The following CDC42SE2 variants were observed in gnomAD, a reference collection of about 807,000 sequenced individuals.
CDC42SE2 encodes the protein CDC42 small effector 2.
In CDC42SE2, 3 loss-of-function variants were observed where a neutral mutation model predicts 11.5. That is an observed-to-expected ratio of 0.26 (90% CI 0.12 to 0.67). The LOEUF (loss-of-function observed/expected upper bound fraction) is 0.67. Among genes scored for constraint, CDC42SE2 ranks in the 30% least tolerant of loss-of-function variants. The pLI is 0.80. For synonymous variants in CDC42SE2, 33 were observed against 34.8 expected (o/e 0.95, Z 0.18); for missense variants, 82 against 106.8 (o/e 0.77, Z 1.02).
At chr5:131,297,728 A>G (rs963704428) in intron 1 of CDC42SE2, among the ~76,000 whole-genome samples, 9 of 151,944 alleles carry the variant, frequency 5.9e-5, no homozygotes, top group Non-Finnish European at 1.0e-4. Flanking sequence ...TCAAAAATAA[A>G]TAAATAAATA....
At chr5:131,284,244 T>C (rs1455677331) in intron 1 of CDC42SE2, among the ~76,000 whole-genome samples, 1 of 152,224 alleles carries the variant, frequency 6.6e-6, no homozygotes, top group African/African-American at 2.4e-5. Flanking sequence ...TTCAGAAAGC[T>C]TTTTATCCAA....
chr5:131,384,236 C>T (rs987746978), intron 3 of CDC42SE2, among the ~76,000 whole-genome samples: 2 of 152,096 alleles, frequency 1.3e-5, no homozygotes, highest in African/African-American at 2.4e-5. Flanking sequence ...ACAATATAAA[C>T]GAGAGGACAG....
intron 2 of CDC42SE2, among the ~76,000 whole-genome samples, chr5:131,320,832 A>G (rs972690853): frequency 1.5e-4 from 23 of 152,238 alleles, no homozygotes; most frequent in African/African-American, 5.3e-4. Context: ...TCCCAAATTC[A>G]TATGGAAATT....
intron 3 of CDC42SE2, among the ~76,000 whole-genome samples, chr5:131,363,529 A>G (rs1325764041): frequency 6.6e-6 from 1 of 151,424 alleles, no homozygotes; most frequent in Non-Finnish European, 1.5e-5. Context: ...GGCACCCTCC[A>G]CCATGCCCAG....
At chr5:131,380,907 T>A (rs1040113873) in intron 3 of CDC42SE2, among the ~76,000 whole-genome samples, 2 of 152,194 alleles carry the variant, frequency 1.3e-5, no homozygotes, top group Admixed American at 6.5e-5. Flanking sequence ...GCAGCGTGTC[T>A]TCTCCTCCTA....
intron 3 of CDC42SE2, among the ~76,000 whole-genome samples, chr5:131,379,932 GA>G (rs1221433480): frequency 4.0e-5 from 6 of 150,504 alleles, no homozygotes; most frequent in African/African-American, 1.5e-4. Context: ...TTTTTCTTTT[GA>G]AACAGAGTCT....
At chr5:131,372,908 G>A (rs1750050987) in intron 3 of CDC42SE2, among the ~76,000 whole-genome samples, 1 of 152,152 alleles carries the variant, frequency 6.6e-6, no homozygotes, top group Admixed American at 6.5e-5. Context: ...AGAGTGCATG[G>A]CATAAGTGAA....
At chr5:131,345,033 A>G (rs1388026784) in intron 2 of CDC42SE2, among the ~76,000 whole-genome samples, 1 of 152,202 alleles carries the variant, frequency 6.6e-6, no homozygotes, top group Non-Finnish European at 1.5e-5. Context: ...AGATAAAACC[A>G]CAAATATGGG....
chr5:131,245,345 A>T (rs1756572442), upstream of CDC42SE2: 1 of 152,174 alleles, frequency 6.6e-6, no homozygotes, highest in Non-Finnish European at 1.5e-5. Context: ...GGTTTATTCA[A>T]TGTAACCCTT....
intron 1 of CDC42SE2, among the ~76,000 whole-genome samples, chr5:131,293,569 T>C (rs939941789): frequency 2.1e-4 from 18 of 87,140 alleles, no homozygotes; most frequent in Non-Finnish European, 4.2e-4. Flanking sequence ...CAAAACTCCG[T>C]CTCAAAAAAA....
chr5:131,383,508 GT>G (rs1215477601), intron 3 of CDC42SE2, among the ~76,000 whole-genome samples: 1 of 152,076 alleles, frequency 6.6e-6, no homozygotes, highest in Admixed American at 6.6e-5. Context: ...ATAGTTAAGT[GT>G]TTTTAGGGAA....
At chr5:131,275,352 G>C (rs571332117) in intron 1 of CDC42SE2, among the ~76,000 whole-genome samples, 1 of 151,146 alleles carries the variant, frequency 6.6e-6, no homozygotes, top group African/African-American at 2.4e-5. Context: ...GCTAGAGTGC[G>C]GTGGTGTGAT....
chr5:131,341,180 G>T (rs935663236), intron 2 of CDC42SE2, among the ~76,000 whole-genome samples: 1 of 152,060 alleles, frequency 6.6e-6, no homozygotes, highest in Admixed American at 6.6e-5. Flanking sequence ...ACATTTTCCA[G>T]TTTGAAAGAG....
upstream of CDC42SE2, among the ~76,000 whole-genome samples, chr5:131,241,123 C>G (rs1425041837): frequency 6.6e-6 from 1 of 152,094 alleles, no homozygotes; most frequent in Admixed American, 6.6e-5. Context: ...GGACTACAGG[C>G]GTCCACCACC....
chr5:131,365,837 C>T (rs1011040792), intron 3 of CDC42SE2, among the ~76,000 whole-genome samples: 1 of 152,060 alleles, frequency 6.6e-6, no homozygotes, highest in African/African-American at 2.4e-5. Flanking sequence ...AAAAAATTAG[C>T]CGGGTGTGGT....
chr5:131,370,586 G>C (rs765882495), intron 3 of CDC42SE2, among the ~76,000 whole-genome samples: 7 of 151,734 alleles, frequency 4.6e-5, no homozygotes, highest in Non-Finnish European at 1.0e-4. Flanking sequence ...GCCTCCCAAA[G>C]TGCTGGGATT....
At chr5:131,380,130 G>T (rs1320551138) in intron 3 of CDC42SE2, among the ~76,000 whole-genome samples, 3 of 151,716 alleles carry the variant, frequency 2.0e-5, no homozygotes, top group Admixed American at 6.6e-5. Flanking sequence ...ATTTTCCATA[G>T]TTATTGGGGC....
rs33983324 is a variant in CDC42SE2 at position 131,286,385 on chromosome 5, GT to G, written c.-455+22242del. Among the ~76,000 whole-genome samples the G allele has an allele frequency of 3.0e-3, 346 of 115,060 alleles. 1 individual carries two copies. Among genetic ancestry groups the G allele is most frequent in the African/African-American group, 8.5e-3 (248 of 29,072 alleles). 75.5% of individuals were successfully genotyped at this position (115,060 alleles called of 152,430 possible). On this transcript the variant is annotated intron_variant, in intron 1 of 4. Coordinates refer to ENST00000505065, the MANE Select transcript of CDC42SE2 (RefSeq NM_001375635.1). ...AGGCATGAGCAAATGCACCTGGCCA[GT>G]TTTTTTTTTTTTTTTTTTTTTTAAA... is the stretch of plus-strand genomic sequence containing the variant.
the CDC42SE2 span, among the ~76,000 whole-genome samples, chr5:131,227,796 G>A: frequency 1.6e-4 from 24 of 152,352 alleles, no homozygotes; most frequent in East Asian, 2.7e-3. Flanking sequence ...TGTAATCTGA[G>A]CACTTTGGGA....
Sources: allele counts gnomAD v4.1 joint callset (sites outside exome capture counted in the v4.1 genomes callset), GRCh38; gene constraint gnomAD v4.1.1; transcripts MANE v1.5; gene names NCBI Gene and HGNC (gene_info 2026-07-23, HGNC 2026-07-21).